NEURL1: variants seen among roughly 807,000 people sequenced by gnomAD.
NEURL1 encodes the protein E3 ubiquitin-protein ligase NEURL1.
Under a neutral mutation model 41.2 loss-of-function variants are expected in NEURL1, and 26 were observed. That is an observed-to-expected ratio of 0.63 (90% CI 0.46 to 0.87). The LOEUF (loss-of-function observed/expected upper bound fraction) is 0.87. Among genes scored for constraint, NEURL1 ranks in the 40% least tolerant of loss-of-function variants. NEURL1 has a pLI of 0.00. For synonymous variants in NEURL1, 400 were observed against 402.3 expected, an observed-to-expected ratio of 0.99 and a Z score of 0.07; for missense variants, 761 against 871.1, an observed-to-expected ratio of 0.87 and a Z score of 1.59.
intron 1 of NEURL1, among the ~76,000 whole-genome samples, chr10:103,538,808 C>T (rs1185024834): frequency 1.3e-5 from 2 of 150,056 alleles, no homozygotes; most frequent in East Asian, 2.0e-4. Flanking sequence ...CACCTTGCCC[C>T]GCTAATTTTC....
intron 1 of NEURL1, among the ~76,000 whole-genome samples, chr10:103,501,539 T>A (rs2033822356): frequency 6.6e-6 from 1 of 152,038 alleles, no homozygotes; most frequent in African/African-American, 2.4e-5. Context: ...GAAGCCCAAG[T>A]TCTGATGCTA....
intron 1 of NEURL1, among the ~76,000 whole-genome samples, chr10:103,534,021 C>T (rs535097108): frequency 9.9e-5 from 15 of 152,100 alleles, no homozygotes; most frequent in South Asian, 2.1e-4. Flanking sequence ...CTTGATCAAG[C>T]GCTGTTGAAG....
intron 1 of NEURL1, among the ~76,000 whole-genome samples, chr10:103,557,066 G>A (rs2035171626): frequency 6.6e-6 from 1 of 152,144 alleles, no homozygotes; most frequent in African/African-American, 2.4e-5. Context: ...TGTAAGGAAG[G>A]CAAATGTCTT....
intron 1 of NEURL1, among the ~76,000 whole-genome samples, chr10:103,503,242 T>G (rs2033866423): frequency 6.6e-6 from 1 of 152,136 alleles, no homozygotes; most frequent in Admixed American, 6.5e-5. Context: ...GGATGACAGA[T>G]CCAGCTCCAG....
Position 103,494,174 on chromosome 10 carries a change from T to C in NEURL1, c.-214T>C, listed in dbSNP as rs2986040. On this transcript the variant is annotated 5_prime_UTR_variant, in exon 1 of 6. Coordinates refer to ENST00000369780, the MANE Select transcript of NEURL1 (RefSeq NM_004210.5). Reference sequence around the variant, plus strand: ...GGCATGGGAGGCAGGTAGCCCAGCCTGCGCCAGGACACCCGTGGCGGGCGG... The same window carrying C: ...GGCATGGGAGGCAGGTAGCCCAGCCCGCGCCAGGACACCCGTGGCGGGCGG... 406,802 of 480,654 alleles carry C rather than the reference T, an allele frequency of 0.85. 173,161 individuals are homozygous for C. Among genetic ancestry groups the C allele is most frequent in the East Asian group, 1 (26,542 of 26,560 alleles). The allele number at this position is 480,654 out of a possible 1,614,324, so 29.8% of individuals were successfully genotyped here. A position where few individuals can be genotyped will look rare whatever the true frequency, so the allele number is the denominator to read the frequency against.
intron 1 of NEURL1, among the ~76,000 whole-genome samples, chr10:103,549,705 A>G (rs1217389638): frequency 6.6e-6 from 1 of 152,216 alleles, no homozygotes; most frequent in Non-Finnish European, 1.5e-5. Context: ...CCTCCACAGC[A>G]GGGTCACCTC....
chr10:103,587,275 C>T (rs1031273935), intron 4 of NEURL1, among the ~76,000 whole-genome samples: 2 of 152,056 alleles, frequency 1.3e-5, no homozygotes, highest in Non-Finnish European at 2.9e-5. Flanking sequence ...CCCTCAGCAC[C>T]ATCTAATAAT....
chr10:103,582,805 C>T (rs1027820354), intron 3 of NEURL1, among the ~76,000 whole-genome samples: 1 of 152,296 alleles, frequency 6.6e-6, no homozygotes, highest in African/African-American at 2.4e-5. Context: ...AGGAAGGGAT[C>T]GGTCCATGGT....
intron 1 of NEURL1, 97 bp downstream of exon 1, chr10:103,494,569 C>A: frequency 9.0e-7 from 1 of 1,105,706 alleles, no homozygotes; most frequent in Non-Finnish European, 1.3e-6. Flanking sequence ...ACCTGTTGTG[C>A]GTGTCTGGAG....
intron 1 of NEURL1, chr10:103,494,712 C>T (rs1592170029): frequency 1.9e-6 from 1 of 528,062 alleles, no homozygotes; most frequent in South Asian, 2.4e-5. Context: ...CTGGAGTCCC[C>T]TCAGGCCATG....
At chr10:103,527,256 G>T (rs949449368) in intron 1 of NEURL1, among the ~76,000 whole-genome samples, 5 of 150,472 alleles carry the variant, frequency 3.3e-5, no homozygotes, top group African/African-American at 1.2e-4. Flanking sequence ...GGTAGGTTTT[G>T]ACTGGCTGGA....
At chr10:103,585,481 C>T (rs1378541171) in intron 4 of NEURL1, among the ~76,000 whole-genome samples, 1 of 152,120 alleles carries the variant, frequency 6.6e-6, no homozygotes, top group Non-Finnish European at 1.5e-5. Flanking sequence ...ATCAGATCAA[C>T]CCATAGTCTC....
At chr10:103,516,803 G>A (rs773411341) in intron 1 of NEURL1, among the ~76,000 whole-genome samples, 1 of 152,150 alleles carries the variant, frequency 6.6e-6, no homozygotes, top group Non-Finnish European at 1.5e-5. Context: ...CTGGAAGAAA[G>A]AAAAACCTGG....
rs565053063 is a variant in NEURL1, at chr10:103,494,352, C to CCA, written c.-36_-35insCA. On this transcript the variant is annotated 5_prime_UTR_variant, in exon 1 of 6. Transcript: ENST00000369780. ...CTCAGCGCCTGCCCGGCCTCGCCCC[C>CCA]ACCCGCGAGCGCCGAACCTCCTGGG... The CCA allele has an allele frequency of 1.1e-4, 172 of 1,536,278 alleles. No individual in the cohort carries two copies. In the African/African-American group the frequency reaches 2.1e-3, roughly 19 times the overall value.
chr10:103,561,900 G>T (rs901248883), intron 1 of NEURL1, among the ~76,000 whole-genome samples: 12 of 152,200 alleles, frequency 7.9e-5, no homozygotes, highest in African/African-American at 2.9e-4. Context: ...GAAGGGAGCT[G>T]CTCCCTTTAT....
intron 1 of NEURL1, among the ~76,000 whole-genome samples, chr10:103,564,312 C>T (rs1471978569): frequency 6.6e-6 from 1 of 152,136 alleles, no homozygotes; most frequent in Non-Finnish European, 1.5e-5. Context: ...ACTGGGGCTC[C>T]CAAGAAGCCT....
chr10:103,522,361 A>G (rs935299816), intron 1 of NEURL1, among the ~76,000 whole-genome samples: 2 of 151,732 alleles, frequency 1.3e-5, no homozygotes, highest in African/African-American at 4.8e-5. Flanking sequence ...TAATCCCAGA[A>G]CCTTGGGAAG....
chr10:103,541,384 G>T (rs937051317), intron 1 of NEURL1, among the ~76,000 whole-genome samples: 1 of 152,144 alleles, frequency 6.6e-6, no homozygotes, highest in Admixed American at 6.6e-5. Context: ...GTGAAGGAGA[G>T]GGGTAAGAAA....
chr10:103,566,135 G>T lies in NEURL1; in HGVS notation c.86-4737G>T, dbSNP rs1355368937. On this transcript the variant is annotated intron_variant, in intron 1 of 5. Transcript: ENST00000369780. This position sits in a 1 kb window ranked among gnomAD's most constrained non-coding sequence, Gnocchi z 4.2. ...GACAGAATCATGCTCTGTCACCCAG[G>T]CTGAAGTGCAGTGGTGCTATCATAG... Among the ~76,000 whole-genome samples the T allele has an allele frequency of 2.6e-5, 4 of 151,626 alleles. No individual in the cohort carries two copies. Among genetic ancestry groups the T allele is most frequent in the African/African-American group, 9.7e-5 (4 of 41,216 alleles).
Sources: gnomAD v4.1 joint callset for allele counts (sites outside exome capture counted in the v4.1 genomes callset) on GRCh38, gnomAD v4.1.1 for gene constraint, Gnocchi (gnomAD v3.1) non-coding constraint, MANE v1.5 for transcripts, NCBI Gene and HGNC (gene_info 2026-07-23, HGNC 2026-07-21) for gene names.